Variants in FBXO34 observed in about 807,000 individuals in gnomAD.
FBXO34 encodes F-box only protein 34.
FBXO34 carries 12 observed loss-of-function variants against 24.5 expected under a neutral mutation model. That is an observed-to-expected ratio of 0.49 (90% CI 0.31 to 0.79). The LOEUF (loss-of-function observed/expected upper bound fraction) is 0.79. Among genes scored for constraint, FBXO34 ranks in the 30% least tolerant of loss-of-function variants. The pLI, the probability that FBXO34 is intolerant of heterozygous loss-of-function variation, is 0.04. For missense variants in FBXO34, 823 were observed against 857.7 expected, an observed-to-expected ratio of 0.96 and a Z score of 0.51; for synonymous variants, 320 against 311.9, an observed-to-expected ratio of 1.03 and a Z score of -0.27.
chr14:55,374,821 A>G (rs1884888548), downstream of FBXO34, among the ~76,000 whole-genome samples: 1 of 152,184 alleles, frequency 6.6e-6, no homozygotes, highest in South Asian at 2.1e-4. Context: ...CCACATATAC[A>G]AGAGTCTGTT....
the FBXO34 span, chr14:55,436,045 G>C: frequency 1.6e-6 from 1 of 606,726 alleles, no homozygotes; most frequent in Non-Finnish European, 2.7e-6. Context: ...TTCCTAGGGG[G>C]AGAATTATTC....
At chr14:55,374,976 G>T (rs1421251959), downstream of FBXO34, among the ~76,000 whole-genome samples, 1 of 152,104 alleles carries the variant, frequency 6.6e-6, no homozygotes, top group Admixed American at 6.6e-5. Flanking sequence ...TATACTTCTA[G>T]TTGAACTTTA....
intron 3 of FBXO34, among the ~76,000 whole-genome samples, chr14:55,359,636 A>G (rs556938423): frequency 6.6e-6 from 1 of 152,204 alleles, no homozygotes; most frequent in Non-Finnish European, 1.5e-5. Flanking sequence ...AATTTAAGAC[A>G]ACAATGAAGT....
intron 1 of FBXO34, among the ~76,000 whole-genome samples, chr14:55,329,048 A>C (rs1284945423): frequency 6.6e-6 from 1 of 151,718 alleles, no homozygotes. Context: ...CTGTTGCAGA[A>C]TGATTGTACT....
the FBXO34 span, among the ~76,000 whole-genome samples, chr14:55,406,832 C>A: frequency 1.3e-5 from 2 of 152,060 alleles, no homozygotes; most frequent in Admixed American, 6.6e-5. Flanking sequence ...CCTAAAATTT[C>A]TTTTTTATTC....
chr14:55,297,698 T>C (rs1267489303), intron 1 of FBXO34, among the ~76,000 whole-genome samples: 1 of 152,236 alleles, frequency 6.6e-6, no homozygotes, highest in Non-Finnish European at 1.5e-5. Context: ...TGTATATCTA[T>C]GTGTATGTGC....
At chr14:55,400,840 G>T in the FBXO34 span, among the ~76,000 whole-genome samples, 2 of 151,892 alleles carry the variant, frequency 1.3e-5, no homozygotes, top group Admixed American at 1.3e-4. Context: ...GGAAGCGGAG[G>T]TTGCAGTGAG....
intron 1 of FBXO34, among the ~76,000 whole-genome samples, chr14:55,287,210 T>A (rs1881792847): frequency 6.6e-6 from 1 of 152,120 alleles, no homozygotes; most frequent in African/African-American, 2.4e-5. Context: ...CCGGTATCAT[T>A]TACATCTTAT....
downstream of FBXO34, among the ~76,000 whole-genome samples, chr14:55,374,646 T>C (rs772069822): frequency 2.0e-5 from 3 of 152,236 alleles, no homozygotes; most frequent in Non-Finnish European, 4.4e-5. Context: ...TTGCTTATTT[T>C]ATAGCTGTAT....
At chr14:55,321,679 G>A (rs1883138781) in intron 1 of FBXO34, among the ~76,000 whole-genome samples, 2 of 152,212 alleles carry the variant, frequency 1.3e-5, no homozygotes, top group Non-Finnish European at 2.9e-5. Context: ...TTACAGGCGT[G>A]AGCCACTGCA....
chr14:55,297,494 TTAA>T (rs1296735007), intron 1 of FBXO34, among the ~76,000 whole-genome samples: 3 of 152,210 alleles, frequency 2.0e-5, no homozygotes, highest in Non-Finnish European at 4.4e-5. Context: ...AAAATACATG[TTAA>T]ATGCCTAGCA....
the FBXO34 span, chr14:55,428,815 C>T: frequency 3.7e-3 from 6,028 of 1,613,860 alleles, 35 homozygotes; most frequent in African/African-American, 0.023. Flanking sequence ...ACCTACTGAA[C>T]TGCTGATGGG....
intron 1 of FBXO34, among the ~76,000 whole-genome samples, chr14:55,335,895 CTA>C (rs1462332284): frequency 1.3e-5 from 2 of 152,022 alleles, no homozygotes; most frequent in Non-Finnish European, 2.9e-5. Flanking sequence ...GGCTACATCA[CTA>C]TTAATATTTT....
intron 1 of FBXO34, among the ~76,000 whole-genome samples, chr14:55,287,676 G>A (rs778661526): frequency 6.6e-6 from 1 of 152,130 alleles, no homozygotes; most frequent in African/African-American, 2.4e-5. Context: ...CATCAGAATC[G>A]ATTGAGGGAC....
At chr14:55,306,951 C>CTTA (rs1882569625) in intron 1 of FBXO34, among the ~76,000 whole-genome samples, 1 of 152,206 alleles carries the variant, frequency 6.6e-6, no homozygotes, top group Non-Finnish European at 1.5e-5. Flanking sequence ...AGGAAGGGAA[C>CTTA]TTAGCATCTG....
At position 55,353,466 on chromosome 14, in the gene FBXO34, A is replaced by G. The variant is rs1166485948; in HGVS notation, c.*940A>G. On this transcript the variant is annotated 3_prime_UTR_variant, in exon 2 of 2. Coordinates refer to ENST00000313833, the MANE Select transcript of FBXO34 (RefSeq NM_017943.4). The stretch of plus-strand genomic sequence containing the variant: ...TTAACTGGACAACCTGAAAATTAGC[A>G]TAGAAAACAATCCTTTGTTATATTT... 1.8e-5 allele frequency: 3 copies of G among 167,138 alleles called. No homozygotes were observed. Among genetic ancestry groups the G allele is most frequent in the Non-Finnish European group, 2.9e-5 (2 of 68,136 alleles). 10.4% of individuals were successfully genotyped at this position (167,138 alleles called of 1,614,324 possible).
chr14:55,292,282 A>T (rs1881968251), intron 1 of FBXO34, among the ~76,000 whole-genome samples: 1 of 152,112 alleles, frequency 6.6e-6, no homozygotes, highest in Admixed American at 6.5e-5. Flanking sequence ...TTTAACTATG[A>T]GCTTTTGGTT....
chr14:55,331,326 G>T (rs1883525492), intron 1 of FBXO34, among the ~76,000 whole-genome samples: 1 of 151,844 alleles, frequency 6.6e-6, no homozygotes, highest in Non-Finnish European at 1.5e-5. Context: ...ATCCTCTCCT[G>T]CACTGAATAA....
chr14:55,298,945 C>G, intron 1 of FBXO34: 1 of 1,582,842 alleles, frequency 6.3e-7, no homozygotes, highest in Non-Finnish European at 8.7e-7. Context: ...GGCTCTGCAG[C>G]CAAGGCCAAG....
Sources: allele counts gnomAD v4.1 joint callset (sites outside exome capture counted in the v4.1 genomes callset), GRCh38; gene constraint gnomAD v4.1.1; transcripts MANE v1.5; gene names NCBI Gene and HGNC (gene_info 2026-07-23, HGNC 2026-07-21).